Variants in RANBP3L observed in about 807,000 individuals in gnomAD.
RANBP3L encodes the protein ran-binding protein 3-like.
RANBP3L carries 56 observed loss-of-function variants against 67.2 expected under a neutral mutation model. That is an observed-to-expected ratio of 0.83 (90% CI 0.67 to 1.04). RANBP3L has a LOEUF of 1.04. RANBP3L is among the 50% of genes least tolerant of loss of function. The pLI, the probability that RANBP3L is intolerant of heterozygous loss-of-function variation, is 0.00. For synonymous variants in RANBP3L, 164 were observed against 181.4 expected (o/e 0.90, Z 0.77); for missense variants, 496 against 535.5 (o/e 0.93, Z 0.73).
intron 1 of RANBP3L, among the ~76,000 whole-genome samples, chr5:36,299,359 G>A (rs1270149227): frequency 6.8e-6 from 1 of 147,272 alleles, no homozygotes; most frequent in Non-Finnish European, 1.5e-5. Flanking sequence ...GTGTGTGTGT[G>A]TGTGTGTATA....
intron 1 of RANBP3L, among the ~76,000 whole-genome samples, chr5:36,292,923 T>C (rs1385478342): frequency 2.0e-5 from 3 of 148,980 alleles, no homozygotes; most frequent in Non-Finnish European, 4.5e-5. Context: ...AGTAGTTTTT[T>C]CCAATTCTGT....
chr5:36,266,094 T>C (rs943771188), intron 4 of RANBP3L, among the ~76,000 whole-genome samples: 1 of 152,158 alleles, frequency 6.6e-6, no homozygotes, highest in Non-Finnish European at 1.5e-5. Context: ...GTCTTTTTTT[T>C]GAATCTTTAA....
intron 1 of RANBP3L, among the ~76,000 whole-genome samples, chr5:36,290,950 T>A (rs1751704873): frequency 6.7e-6 from 1 of 149,664 alleles, no homozygotes; most frequent in Admixed American, 6.7e-5. Context: ...TTCACCATGT[T>A]GGCCAGGATG....
At chr5:36,265,664 A>G in intron 4 of RANBP3L, 144 bp from the exon 5 acceptor site, 1 of 470,972 alleles carries the variant, frequency 2.1e-6, no homozygotes, top group Non-Finnish European at 3.7e-6. Flanking sequence ...CCTCTGGAGC[A>G]CTGGCTCTGC....
At chr5:36,267,381 G>A (rs990595774) in intron 4 of RANBP3L, among the ~76,000 whole-genome samples, 4 of 152,052 alleles carry the variant, frequency 2.6e-5, no homozygotes, top group African/African-American at 9.6e-5. Context: ...GGTGGTGTGC[G>A]CCTGTAGTCC....
chr5:36,256,074 A>G (rs1290135843), intron 10 of RANBP3L, among the ~76,000 whole-genome samples: 1 of 152,110 alleles, frequency 6.6e-6, no homozygotes, highest in Non-Finnish European at 1.5e-5. Flanking sequence ...TCATTGAACC[A>G]TTTGCATGCT....
intron 1 of RANBP3L, among the ~76,000 whole-genome samples, chr5:36,290,549 G>A (rs1020556699): frequency 7.2e-5 from 11 of 151,908 alleles, no homozygotes; most frequent in African/African-American, 1.2e-4. Context: ...CTAGGTAGGG[G>A]TTTATTAATT....
chr5:36,267,266 T>A (rs1372910432), intron 4 of RANBP3L, among the ~76,000 whole-genome samples: 1 of 152,138 alleles, frequency 6.6e-6, no homozygotes, highest in Non-Finnish European at 1.5e-5. Context: ...CCCAGCACTT[T>A]GGGAGGCCGA....
At chr5:36,295,412 A>G (rs1376819012) in intron 1 of RANBP3L, among the ~76,000 whole-genome samples, 2 of 152,088 alleles carry the variant, frequency 1.3e-5, no homozygotes, top group Non-Finnish European at 2.9e-5. Context: ...TCCTGCCACC[A>G]TGTGAAGAAG....
At chr5:36,267,660 C>T (rs1353411086) in intron 4 of RANBP3L, among the ~76,000 whole-genome samples, 1 of 152,154 alleles carries the variant, frequency 6.6e-6, no homozygotes, top group Non-Finnish European at 1.5e-5. Context: ...GAAATAAAAA[C>T]ATGAGAATAG....
intron 10 of RANBP3L, 26 bp downstream of exon 10, chr5:36,256,915 G>A: frequency 1.3e-6 from 2 of 1,588,188 alleles, no homozygotes; most frequent in East Asian, 2.3e-5. Flanking sequence ...AATGCTACCA[G>A]AAAGAGTAAA....
In RANBP3L at chr5:36,251,516, A is replaced by G. The variant is rs1441642164; in HGVS notation, c.1168-17T>C. ...GGCACTGGCCTGCATGAGGAACATT[A>G]AATTGTTAAGAAAATCATTAATATG... On this transcript the variant is annotated splice_polypyrimidine_tract_variant and intron_variant, in intron 12 of 13. Coordinates refer to ENST00000296604, the MANE Select transcript of RANBP3L (RefSeq NM_145000.5). 1.9e-6 allele frequency: 3 copies of G among 1,555,884 alleles called. No homozygotes were observed. The Admixed American group carries it at 5.8e-5, about 30-fold the overall frequency.
At chr5:36,300,131 T>C (rs1441269227) in intron 1 of RANBP3L, among the ~76,000 whole-genome samples, 1 of 152,142 alleles carries the variant, frequency 6.6e-6, no homozygotes, top group Admixed American at 6.5e-5. Context: ...AACAAAAACC[T>C]CTGATAAACT....
chr5:36,266,219 C>T (rs984621228), intron 4 of RANBP3L, among the ~76,000 whole-genome samples: 8 of 152,234 alleles, frequency 5.3e-5, no homozygotes, highest in African/African-American at 1.9e-4. Context: ...AGTCTGCCCA[C>T]ACTCCCTGAC....
intron 1 of RANBP3L, among the ~76,000 whole-genome samples, chr5:36,277,859 C>T (rs1750703950): frequency 6.6e-6 from 1 of 152,142 alleles, no homozygotes; most frequent in Admixed American, 6.6e-5. Flanking sequence ...TTCCACGTGG[C>T]TGAGGAGGCC....
chr5:36,265,465 T>C lies in RANBP3L; in HGVS notation c.324A>G (p.Ile108Met), dbSNP rs1749694654. ...GCTACATACCTTGTTCAGCACTCTTTATATCAACACTACTTTGCACAAGAG... is the reference window on the plus strand; with the variant it reads ...GCTACATACCTTGTTCAGCACTCTTCATATCAACACTACTTTGCACAAGAG... ...TSALVQSSVD[I>M]KSAEQGPVKH... The change falls in exon 5 of 14, where the codon ATA becomes ATG. Residue 108 changes from isoleucine (I) to methionine (M), a missense_variant. Transcript: ENST00000296604. The C allele has an allele frequency of 6.2e-7, 1 of 1,601,312 alleles. No individual in the cohort carries two copies. Among genetic ancestry groups the C allele is most frequent in the African/African-American group, 1.3e-5 (1 of 74,298 alleles).
rs555236830 is a variant in RANBP3L, at chr5:36,248,743, A to T, written c.*911T>A. On this transcript the variant is annotated 3_prime_UTR_variant, in exon 14 of 14. Transcript: ENST00000296604. ...AAATAGGGCTATAAGTACTGAGACTAATTTTCTTGTGTGATTCATGAGGTG... is the reference window on the plus strand; with the variant it reads ...AAATAGGGCTATAAGTACTGAGACTTATTTTCTTGTGTGATTCATGAGGTG... 1 of 152,294 alleles carries T rather than the reference A, an allele frequency of 6.6e-6. No individual in the cohort carries two copies. Among genetic ancestry groups the T allele is most frequent in the East Asian group, 1.9e-4 (1 of 5,188 alleles). 9.4% of individuals were successfully genotyped at this position (152,294 alleles called of 1,614,324 possible).
rs1193723531 is a variant in RANBP3L, at chr5:36,251,488, T to G, written c.1179A>C (p.Gln393His). ...TTGCTGCATACAAATATGCTGTATC[T>G]TGGGCACTGGCCTGCATGAGGAACA... ...IKIFLIQASA[Q>H]DTAYLYAAIH... Residue 393 changes from glutamine (Q) to histidine (H), a missense_variant, in exon 13 of 14, where the codon CAA becomes CAC. Transcript: ENST00000296604. 6.2e-7 allele frequency: 1 copy of G among 1,607,568 alleles called. No homozygotes were observed. Among genetic ancestry groups the G allele is most frequent in the East Asian group, 2.2e-5 (1 of 44,736 alleles).
rs1040467356 is a variant in RANBP3L at position 36,253,815 on chromosome 5, G to A, written c.1025-26C>T. Reference sequence around the variant, plus strand: ...CTAAAATAGGAAGGTGACTACATCAGGCCACAGAACAGTTGACACGGAGGA... The same window carrying A: ...CTAAAATAGGAAGGTGACTACATCAAGCCACAGAACAGTTGACACGGAGGA... On this transcript the variant is annotated intron_variant, in intron 11 of 13. Coordinates refer to ENST00000296604, the MANE Select transcript of RANBP3L (RefSeq NM_145000.5). 14 of 1,609,624 alleles carry A rather than the reference G, an allele frequency of 8.7e-6. 1 individual carries two copies. Among genetic ancestry groups the A allele is most frequent in the Middle Eastern group, 1.7e-4 (1 of 6,058 alleles).
Sources: allele counts gnomAD v4.1 joint callset (sites outside exome capture counted in the v4.1 genomes callset), GRCh38; gene constraint gnomAD v4.1.1; transcripts MANE v1.5; gene names NCBI Gene and HGNC (gene_info 2026-07-23, HGNC 2026-07-21).